The following SGK1 variants were observed in gnomAD, a reference collection of about 807,000 sequenced individuals.
SGK1 encodes the protein serine/threonine-protein kinase Sgk1.
A neutral mutation model predicts 64.2 loss-of-function variants in SGK1; 26 were observed. That is an observed-to-expected ratio of 0.40 (90% confidence interval 0.30 to 0.56). SGK1 has a LOEUF of 0.56. Ranked by LOEUF, SGK1 falls within the 20% of genes least tolerant of loss-of-function variation. The pLI is 0.38. For synonymous variants in SGK1, 265 were observed against 239.7 expected (o/e 1.11, Z -0.98); for missense variants, 519 against 645.6 (o/e 0.80, Z 2.12).
chr6:134,232,055 T>A (rs1391634233), intron 2 of SGK1, among the ~76,000 whole-genome samples: 2 of 134,742 alleles, frequency 1.5e-5, no homozygotes, highest in African/African-American at 5.9e-5. Flanking sequence ...AAAAAAAAAA[T>A]ACTATGGAGA....
chr6:134,297,307 C>T lies in SGK1; in HGVS notation c.69+20085G>A, dbSNP rs1474375288. The T allele has an allele frequency of 1.8e-5, 22 of 1,245,462 alleles. No individual in the cohort carries two copies. In the African/African-American group the frequency reaches 2.5e-4, roughly 14 times the overall value. 77.2% of individuals were successfully genotyped at this position (1,245,462 alleles called of 1,614,324 possible). On this transcript the variant is annotated intron_variant, in intron 1 of 13. Transcript: ENST00000367858. ...TTGACGTTCATCAGCTCCTGGTACACACGCAGCTATCGCGCCATGTCCTGC... is the reference window on the plus strand; with the variant it reads ...TTGACGTTCATCAGCTCCTGGTACATACGCAGCTATCGCGCCATGTCCTGC...
At chr6:134,286,959 T>C (rs1777192799) in intron 1 of SGK1, among the ~76,000 whole-genome samples, 1 of 152,124 alleles carries the variant, frequency 6.6e-6, no homozygotes, top group Non-Finnish European at 1.5e-5. Context: ...TGTCTTATTT[T>C]GTTTTGTCTC....
chr6:134,222,093 T>C (rs1189216201), intron 2 of SGK1, among the ~76,000 whole-genome samples: 1 of 152,218 alleles, frequency 6.6e-6, no homozygotes, highest in Non-Finnish European at 1.5e-5. Context: ...TCTTCATTTC[T>C]TCTAGTGCTT....
At chr6:134,219,928 G>A (rs1159185819) in intron 2 of SGK1, among the ~76,000 whole-genome samples, 2 of 144,008 alleles carry the variant, frequency 1.4e-5, no homozygotes, top group Non-Finnish European at 3.0e-5. Context: ...GCGTAGGGGC[G>A]GGCGCCTGTA....
chr6:134,309,093 A>T (rs1777575524), intron 1 of SGK1, among the ~76,000 whole-genome samples: 1 of 152,152 alleles, frequency 6.6e-6, no homozygotes. Flanking sequence ...TTCTCCGAAA[A>T]ACGTCACAGC....
In SGK1 at chr6:134,223,304, G is replaced by A. The variant is rs530119942; in HGVS notation, c.286-15873C>T. On this transcript the variant is annotated intron_variant, in intron 2 of 13. Transcript: ENST00000367858. ...AATCGCTTGAACCCGGGAGGTGGAGGTTGCGGTGAGCCGAGATCGTGCCAT... is the reference window on the plus strand; with the variant it reads ...AATCGCTTGAACCCGGGAGGTGGAGATTGCGGTGAGCCGAGATCGTGCCAT... Among the ~76,000 whole-genome samples, 35 of 151,868 alleles carry A rather than the reference G, an allele frequency of 2.3e-4. No individual in the cohort carries two copies. In the South Asian group the frequency reaches 4.8e-3, roughly 21 times the overall value.
chr6:134,175,642 G>A, intron 3 of SGK1: 1 of 1,527,088 alleles, frequency 6.5e-7, no homozygotes, highest in East Asian at 2.6e-5. Context: ...TCTGGCCAGC[G>A]CGCCCTGCAT....
intron 2 of SGK1, among the ~76,000 whole-genome samples, chr6:134,227,823 TATAGTAAATGA>T (rs1289104864): frequency 1.3e-5 from 2 of 152,046 alleles, no homozygotes; most frequent in Non-Finnish European, 1.5e-5. Context: ...CTAAAACACA[TATAGTAAATGA>T]GTAATAAATC....
At position 134,170,180 on chromosome 6, in the gene SGK1, G is replaced by A. The variant is rs1039702524; in HGVS notation, c.*88C>T. 8.9e-7 allele frequency: 1 copy of A among 1,118,612 alleles called. No individual in the cohort carries two copies. Among genetic ancestry groups the A allele is most frequent in the Non-Finnish European group, 1.3e-6 (1 of 774,374 alleles). The allele number at this position is 1,118,612 out of a possible 1,614,324, so 69.3% of individuals were successfully genotyped here. A position where few individuals can be genotyped will look rare whatever the true frequency, so the allele number is the denominator to read the frequency against. On this transcript the variant is annotated 3_prime_UTR_variant, in exon 14 of 14. Transcript: ENST00000367858. ...AGATGTGCAAATTCTCTTGTAAGAT[G>A]TCCTGTCAGCTGGCGGCTCCACCAA... is the stretch of plus-strand genomic sequence containing the variant.
chr6:134,215,134 CTTT>C (rs202041836), intron 2 of SGK1: 13 of 392,084 alleles, frequency 3.3e-5, no homozygotes, highest in African/African-American at 1.6e-4. Flanking sequence ...TTCTTTCTTT[CTTT>C]TTTTTTTTTT....
chr6:134,210,962 T>C (rs919596332), intron 2 of SGK1, among the ~76,000 whole-genome samples: 1 of 151,750 alleles, frequency 6.6e-6, no homozygotes, highest in Non-Finnish European at 1.5e-5. Flanking sequence ...CCGTCTCTAC[T>C]AAGAATACAA....
At chr6:134,279,944 A>G (rs1430755036) in intron 1 of SGK1, among the ~76,000 whole-genome samples, 1 of 152,082 alleles carries the variant, frequency 6.6e-6, no homozygotes, top group Non-Finnish European at 1.5e-5. Context: ...TCTAATCCCA[A>G]TACTTTGGGA....
chr6:134,290,675 G>C (rs1777251510), intron 1 of SGK1, among the ~76,000 whole-genome samples: 1 of 152,136 alleles, frequency 6.6e-6, no homozygotes, highest in Non-Finnish European at 1.5e-5. Flanking sequence ...TTCTCATTGT[G>C]CCTCAGATAA....
intron 2 of SGK1, among the ~76,000 whole-genome samples, chr6:134,217,673 T>TG: frequency 6.6e-6 from 1 of 152,196 alleles, no homozygotes; most frequent in Non-Finnish European, 1.5e-5. Flanking sequence ...AGCAGGAGTC[T>TG]GGTCAAGAGA....
intron 2 of SGK1, among the ~76,000 whole-genome samples, chr6:134,247,645 C>T (rs981725431): frequency 1.3e-5 from 2 of 152,134 alleles, no homozygotes; most frequent in Admixed American, 1.3e-4. Flanking sequence ...ATGAATGTAA[C>T]TCGACCGATT....
At chr6:134,310,335 A>G (rs1407873067) in intron 1 of SGK1, among the ~76,000 whole-genome samples, 3 of 152,136 alleles carry the variant, frequency 2.0e-5, no homozygotes, top group South Asian at 2.1e-4. Context: ...CAAAATATCT[A>G]TCTAACGAAA....
At chr6:134,267,826 CA>C (rs562095947) in intron 1 of SGK1, among the ~76,000 whole-genome samples, 232 of 152,200 alleles carry the variant, frequency 1.5e-3, no homozygotes, top group African/African-American at 5.3e-3. Flanking sequence ...GTGTTACTTA[CA>C]AAAATGAATC....
At chr6:134,185,377 A>C (rs1775404910) in intron 3 of SGK1, among the ~76,000 whole-genome samples, 1 of 152,178 alleles carries the variant, frequency 6.6e-6, no homozygotes, top group African/African-American at 2.4e-5. Flanking sequence ...CTACACAATG[A>C]TAAGGACTTG....
intron 2 of SGK1, among the ~76,000 whole-genome samples, chr6:134,245,534 C>G (rs9321431): frequency 6.6e-6 from 1 of 152,110 alleles, no homozygotes; most frequent in Non-Finnish European, 1.5e-5. Flanking sequence ...ATTTTTACTT[C>G]ACTTTTCCTG....
Sources: allele counts gnomAD v4.1 joint callset (sites outside exome capture counted in the v4.1 genomes callset), GRCh38; gene constraint gnomAD v4.1.1; transcripts MANE v1.5; gene names NCBI Gene and HGNC (gene_info 2026-07-23, HGNC 2026-07-21).